The following SLC24A3 variants were observed in gnomAD, a reference collection of about 807,000 sequenced individuals.
SLC24A3 encodes solute carrier family 24 member 3.
SLC24A3 carries 28 observed loss-of-function variants against 75.8 expected under a neutral mutation model. The ratio of observed to expected loss-of-function variants is 0.37; its 90% CI spans 0.27 to 0.51. The LOEUF is 0.51. SLC24A3 is among the 20% of genes least tolerant of loss of function. The pLI is 0.94. For synonymous variants in SLC24A3, 372 were observed against 334.1 expected (o/e 1.11, Z -1.24); for missense variants, 663 against 847.8 (o/e 0.78, Z 2.71).
intron 12 of SLC24A3, among the ~76,000 whole-genome samples, chr20:19,692,254 C>T (rs917817520): frequency 2.6e-5 from 4 of 152,186 alleles, no homozygotes; most frequent in Admixed American, 1.3e-4. Context: ...TAAATACCCA[C>T]CTTATGACTC....
chr20:19,698,587 G>A lies in SLC24A3; in HGVS notation c.1626G>A (p.Val542=). ...CTGCAGGGATGGGGGACATGGCTGT[G>A]TCCAACTCCATTGGGAGCAACGTGT... ...VARQGMGDMA[V]SNSIGSNVFD... The change falls in exon 15 of 17, where the codon GTG becomes GTA. Residue 542 remains valine, a synonymous_variant. Transcript: ENST00000328041. 1 of 1,587,584 alleles carries A rather than the reference G, an allele frequency of 6.3e-7. No homozygotes were observed. Among genetic ancestry groups the A allele is most frequent in the Admixed American group, 1.7e-5 (1 of 57,150 alleles).
At chr20:19,344,311 ACTCTGT>A (rs1215250466) in intron 2 of SLC24A3, among the ~76,000 whole-genome samples, 3 of 152,186 alleles carry the variant, frequency 2.0e-5, no homozygotes, top group African/African-American at 7.2e-5. Context: ...TGGATATGAT[ACTCTGT>A]CTCTGAGCAG....
chr20:19,673,788 C>A, intron 9 of SLC24A3, 134 bp downstream of exon 9: 1 of 708,878 alleles, frequency 1.4e-6, no homozygotes, highest in East Asian at 2.7e-5. Context: ...TGGCTCCCTG[C>A]CAGACTGTTG....
intron 2 of SLC24A3, among the ~76,000 whole-genome samples, chr20:19,489,432 A>G (rs1419655673): frequency 6.6e-6 from 1 of 152,240 alleles, no homozygotes. Flanking sequence ...TATAAACATC[A>G]TAGTAATATA....
In SLC24A3 at chr20:19,564,811, A is replaced by G. The variant is rs549644033; in HGVS notation, c.349-15189A>G. Reference sequence around the variant, plus strand: ...CCTTCCTAATGGCTAATGCCTGTTCATCTTCTCAGATGTTATGTAGGTATC... The same window carrying G: ...CCTTCCTAATGGCTAATGCCTGTTCGTCTTCTCAGATGTTATGTAGGTATC... On this transcript the variant is annotated intron_variant, in intron 3 of 16. Transcript: ENST00000328041. Among the ~76,000 whole-genome samples the G allele has an allele frequency of 2.4e-4, 37 of 152,286 alleles. No homozygotes were observed. The South Asian group carries it at 5.2e-3, about 21-fold the overall frequency.
At chr20:19,629,793 G>C (rs1161278531) in intron 6 of SLC24A3, among the ~76,000 whole-genome samples, 1 of 152,186 alleles carries the variant, frequency 6.6e-6, no homozygotes, top group African/African-American at 2.4e-5. Context: ...AGAATACTGT[G>C]CAGAAAAACT....
At chr20:19,374,434 A>G (rs1568602631) in intron 2 of SLC24A3, among the ~76,000 whole-genome samples, 1 of 152,176 alleles carries the variant, frequency 6.6e-6, no homozygotes, top group Non-Finnish European at 1.5e-5. Flanking sequence ...TGAGCAGAAT[A>G]CTGACTGTTG....
At chr20:19,311,776 C>T (rs559978667) in intron 2 of SLC24A3, among the ~76,000 whole-genome samples, 4 of 152,236 alleles carry the variant, frequency 2.6e-5, no homozygotes, top group African/African-American at 9.6e-5. Context: ...CTATGGCCAG[C>T]AGGGAATTCA....
chr20:19,376,863 G>A (rs534821678), intron 2 of SLC24A3, among the ~76,000 whole-genome samples: 3 of 152,326 alleles, frequency 2.0e-5, no homozygotes, highest in Admixed American at 1.3e-4. Flanking sequence ...AGGTGGAGCC[G>A]TCACCAGCGA....
chr20:19,498,660 C>T (rs1351734801), intron 2 of SLC24A3, among the ~76,000 whole-genome samples: 2 of 152,138 alleles, frequency 1.3e-5, no homozygotes, highest in Non-Finnish European at 1.5e-5. Context: ...GTTATCAGTT[C>T]AGGTGAGATA....
intron 3 of SLC24A3, among the ~76,000 whole-genome samples, chr20:19,556,394 C>G (rs777890808): frequency 6.6e-5 from 10 of 151,980 alleles, no homozygotes; most frequent in African/African-American, 2.2e-4. Context: ...ATTAAATTGT[C>G]CTCTCTCCCA....
At chr20:19,617,392 C>T (rs944554573) in intron 6 of SLC24A3, among the ~76,000 whole-genome samples, 1 of 152,198 alleles carries the variant, frequency 6.6e-6, no homozygotes, top group African/African-American at 2.4e-5. Context: ...ATGACTGTGG[C>T]AGCCACAGAC....
At chr20:19,596,450 C>T (rs2031454576) in intron 6 of SLC24A3, among the ~76,000 whole-genome samples, 1 of 152,146 alleles carries the variant, frequency 6.6e-6, no homozygotes, top group African/African-American at 2.4e-5. Flanking sequence ...TCGCCATGAG[C>T]AATTAGGAGC....
chr20:19,409,556 T>C (rs1026398583), intron 2 of SLC24A3, among the ~76,000 whole-genome samples: 3 of 152,074 alleles, frequency 2.0e-5, no homozygotes, highest in African/African-American at 7.2e-5. Flanking sequence ...AAATGTCTCA[T>C]TGGAGAAGGA....
intron 9 of SLC24A3, among the ~76,000 whole-genome samples, chr20:19,680,616 C>G (rs1222915892): frequency 6.6e-6 from 1 of 152,222 alleles, no homozygotes; most frequent in Non-Finnish European, 1.5e-5. Flanking sequence ...TGACACCCGT[C>G]ACTTTGACTA....
At chr20:19,471,589 G>A (rs1162666847) in intron 2 of SLC24A3, among the ~76,000 whole-genome samples, 1 of 152,124 alleles carries the variant, frequency 6.6e-6, no homozygotes, top group Non-Finnish European at 1.5e-5. Context: ...CCAATGTCAA[G>A]ACAAGGACAT....
rs146964662 is a variant in SLC24A3 at position 19,594,979 on chromosome 20, G to A, written c.612+9435G>A. ...AGAAAATGGCACCATTTAAAATGTA[G>A]ACTCTGATTTGGTGCAGTTTTGAAC... is the stretch of plus-strand genomic sequence containing the variant. On this transcript the variant is annotated intron_variant, in intron 6 of 16. Transcript: ENST00000328041. 2.0e-4 allele frequency among the ~76,000 whole-genome samples: 30 copies of A among 152,308 alleles called. No individual in the cohort carries two copies. In the East Asian group the frequency reaches 5.6e-3, roughly 28 times the overall value.
At chr20:19,488,181 C>T (rs1045956859) in intron 2 of SLC24A3, among the ~76,000 whole-genome samples, 2 of 152,188 alleles carry the variant, frequency 1.3e-5, no homozygotes, top group African/African-American at 4.8e-5. Flanking sequence ...CCCATTGCAG[C>T]TATAATCATG....
At chr20:19,506,877 G>A (rs1409991160) in intron 2 of SLC24A3, among the ~76,000 whole-genome samples, 2 of 152,126 alleles carry the variant, frequency 1.3e-5, no homozygotes, top group African/African-American at 4.8e-5. Context: ...ATTTTCCAAT[G>A]TTATTAAGAT....
Sources: allele counts gnomAD v4.1 joint callset (sites outside exome capture counted in the v4.1 genomes callset), GRCh38; gene constraint gnomAD v4.1.1; transcripts MANE v1.5; gene names NCBI Gene and HGNC (gene_info 2026-07-23, HGNC 2026-07-21).